The following ABCA3 variants were observed in gnomAD, a reference collection of about 807,000 sequenced individuals.
ABCA3 encodes the protein ATP binding cassette subfamily A member 3, also known as phospholipid-transporting ATPase ABCA3.
In ABCA3, 88 loss-of-function variants were observed where a neutral mutation model predicts 172.8. The observed-to-expected ratio is 0.51, with a 90% confidence interval of 0.43 to 0.61. The LOEUF (loss-of-function observed/expected upper bound fraction) is 0.61, where lower values mean the gene tolerates loss of function less well. ABCA3 is among the 20% of genes least tolerant of loss of function. ABCA3 has a pLI of 0.00. For missense variants in ABCA3, 2,164 were observed against 2,301.0 expected (o/e 0.94, Z 1.22); for synonymous variants, 1,066 against 983.8 (o/e 1.08, Z -1.56).
At chr16:2,310,740 TGA>T (rs902937632) in intron 10 of ABCA3, among the ~76,000 whole-genome samples, 1 of 151,998 alleles carries the variant, frequency 6.6e-6, no homozygotes, top group African/African-American at 2.4e-5. Context: ...AGGCTGGGCT[TGA>T]ACTCCTGGGC....
rs1457878698 is a variant in ABCA3 at position 2,326,147 on chromosome 16, G to A, written c.182C>T (p.Ser61Phe). 1 of 1,614,162 alleles carries A rather than the reference G, an allele frequency of 6.2e-7. No homozygotes were observed. Among genetic ancestry groups the A allele is most frequent in the Admixed American group, 1.7e-5 (1 of 60,032 alleles). ...GAAGAACAGAGGCAGCTCCTGGATG[G>A]ACTGGCCCGGGTAGATGGTGGCGTT... ...VPNATIYPGQ[S>F]IQELPLFFTF... The change falls in exon 5 of 33, where the codon TCC becomes TTC. Residue 61 changes from serine (S) to phenylalanine (F), a missense_variant. Around this residue, in one of 3 missense-constraint regions of ABCA3, gnomAD observed 1,343 missense variants for 1,369.6 expected, o/e 0.98. Coordinates refer to ENST00000301732, the MANE Select transcript of ABCA3 (RefSeq NM_001089.3).
In ABCA3 at chr16:2,277,773, A is replaced by T; in HGVS notation, c.4910-103T>A. 1 of 1,592,046 alleles carries T rather than the reference A, an allele frequency of 6.3e-7. No individual in the cohort carries two copies. ...AGTCCTCGTCCCAGGGATTGGGGAG[A>T]TGGGACTTGGCGGGGCGAGGCACAG... On this transcript the variant is annotated intron_variant, in intron 31 of 32. Coordinates refer to ENST00000301732, the MANE Select transcript of ABCA3 (RefSeq NM_001089.3). The surrounding 1 kb of genome is among the most constrained non-coding windows in gnomAD (Gnocchi z 5.3).
In ABCA3 at chr16:2,276,673, C is replaced by T. The variant is rs1476467965; in HGVS notation, c.*1G>A. 5.6e-6 allele frequency: 9 copies of T among 1,612,984 alleles called. No homozygotes were observed. The highest frequency in any genetic ancestry group is 7.6e-6 in the Non-Finnish European group (9 of 1,180,040). On this transcript the variant is annotated 3_prime_UTR_variant, in exon 33 of 33. Transcript: ENST00000301732. Reference sequence around the variant, plus strand: ...CCTGATGGCGAGACAGCCGCCACCCCTCATCGCCCCTCCTCTGCGGTGGGC... The same window carrying T: ...CCTGATGGCGAGACAGCCGCCACCCTTCATCGCCCCTCCTCTGCGGTGGGC...
Position 2,304,047 on chromosome 16 carries a change from A to T in ABCA3, c.1389T>A (p.Tyr463Ter). The T allele has an allele frequency of 6.2e-7, 1 of 1,614,188 alleles. No homozygotes were observed. Among genetic ancestry groups the T allele is most frequent in the Non-Finnish European group, 8.5e-7 (1 of 1,180,034 alleles). The change falls in exon 12 of 33, where the codon TAT (tyrosine) becomes TAA (stop). Residue 463 changes from tyrosine (Y) to a stop codon, truncating the protein, a stop_gained. Transcript: ENST00000301732. LOFTEE classifies it high-confidence loss of function. The part of the protein sequence containing the change: ...LGMLLLDSVL[Y>*]GLVTWYMEAV... The stretch of plus-strand genomic sequence containing the variant: ...CCTCCATGTACCAGGTCACCAGGCC[A>T]TAGAGCACAGAGTCCAGCAGCAGCA...
At chr16:2,326,987 CACAA>C (rs1300311547) in intron 3 of ABCA3, among the ~76,000 whole-genome samples, 2 of 152,094 alleles carry the variant, frequency 1.3e-5, no homozygotes, top group Admixed American at 6.6e-5. Flanking sequence ...AAGACTCTGC[CACAA>C]ACAAACAAAC....
intron 8 of ABCA3, among the ~76,000 whole-genome samples, chr16:2,318,680 T>G (rs904167828): frequency 1.1e-4 from 16 of 151,832 alleles, no homozygotes; most frequent in Admixed American, 7.9e-4. Flanking sequence ...GCCTGGCTAA[T>G]TTTTGTATTT....
intron 12 of ABCA3, among the ~76,000 whole-genome samples, chr16:2,302,409 CA>C (rs2093690963): frequency 6.6e-6 from 1 of 151,792 alleles, no homozygotes; most frequent in Non-Finnish European, 1.5e-5. Flanking sequence ...AATAGACAAA[CA>C]TATATATGTA....
At position 2,276,318 on chromosome 16, in the gene ABCA3, T is replaced by C; in HGVS notation, c.*356A>G. 1 of 476,406 alleles carries C rather than the reference T, an allele frequency of 2.1e-6. No homozygotes were observed. The highest frequency in any genetic ancestry group is 1.5e-5 in the South Asian group (1 of 64,706). 29.5% of individuals were successfully genotyped at this position (476,406 alleles called of 1,614,324 possible). On this transcript the variant is annotated 3_prime_UTR_variant, in exon 33 of 33. Transcript: ENST00000301732. The stretch of plus-strand genomic sequence containing the variant: ...TCGTGTGTAAACTTGGACAAGTCAC[T>C]GGGTCCTCTCTCCAGGGAGTGCCTG...
At chr16:2,307,981 C>T (rs574351579) in intron 11 of ABCA3, among the ~76,000 whole-genome samples, 1 of 152,298 alleles carries the variant, frequency 6.6e-6, no homozygotes, top group South Asian at 2.1e-4. Context: ...GTAATCCTGG[C>T]TATTCAGGAG....
At chr16:2,293,185 G>A (rs1035643778) in intron 18 of ABCA3, among the ~76,000 whole-genome samples, 2 of 151,690 alleles carry the variant, frequency 1.3e-5, no homozygotes, top group Non-Finnish European at 2.9e-5. Context: ...CAGAGTAGCT[G>A]GGACTATAGG....
chr16:2,338,971 G>A (rs1483467715), intron 1 of ABCA3, among the ~76,000 whole-genome samples: 1 of 151,924 alleles, frequency 6.6e-6, no homozygotes, highest in Non-Finnish European at 1.5e-5. Flanking sequence ...GGCCAGGCTG[G>A]TCTCGAACTC....
Position 2,284,422 on chromosome 16 carries a change from T to C in ABCA3, c.3719A>G (p.Glu1240Gly). 1 of 1,613,908 alleles carries C rather than the reference T, an allele frequency of 6.2e-7. No individual in the cohort carries two copies. The highest frequency in any genetic ancestry group is 8.5e-7 in the Non-Finnish European group (1 of 1,180,006). Residue 1240 changes from glutamate (E) to glycine (G), a missense_variant, in exon 25 of 33, where the codon GAA (glutamate) becomes GGA (glycine). Glu to Gly is a moderately conservative substitution (Grantham distance 98). Coordinates refer to ENST00000301732, the MANE Select transcript of ABCA3 (RefSeq NM_001089.3). This position sits in a 1 kb window ranked among gnomAD's most constrained non-coding sequence, Gnocchi z 5.9. ...IMRIPAVKLE[E>G]LSKTLDHVFL... ...CACGTGATCCAGGGTTTTGGAAAGT[T>C]CTTCCAGTTTTACAGCTGCGTTGGG... is the stretch of plus-strand genomic sequence containing the variant.
rs773880589 is a variant in ABCA3, at chr16:2,284,973, C to T, written c.3509G>A (p.Arg1170His). 53 of 1,613,446 alleles carry T rather than the reference C, an allele frequency of 3.3e-5. No individual in the cohort carries two copies. The highest frequency in any genetic ancestry group is 9.9e-5 in the South Asian group (9 of 91,082). Residue 1170 changes from arginine (R) to histidine (H), a missense_variant, in exon 24 of 33, where the codon CGT becomes CAT. Arg to His is a conservative substitution (Grantham distance 29, BLOSUM62 0). This residue lies in a region of ABCA3 where 795 missense variants were observed against 881.9 expected (regional missense o/e 0.90). Transcript: ENST00000301732. The surrounding 1 kb of genome is among the most constrained non-coding windows in gnomAD (Gnocchi z 5.9). ...CATGTGGCCGTCCCGCGTGAAGGCA[C>T]GCACGTCGAAGGCCTTAAACACCAC... is the stretch of plus-strand genomic sequence containing the variant. ...LLVVFKAFDV[R>H]AFTRDGHMAD...
At chr16:2,296,010 G>A (rs1446652174) in intron 17 of ABCA3, among the ~76,000 whole-genome samples, 1 of 152,212 alleles carries the variant, frequency 6.6e-6, no homozygotes, top group African/African-American at 2.4e-5. Flanking sequence ...TCTCCCCCCA[G>A]CTATACAAGC....
Position 2,285,550 on chromosome 16 carries a change from C to T in ABCA3, c.3375G>A (p.Val1125=). 1.9e-6 allele frequency: 3 copies of T among 1,594,164 alleles called. No individual in the cohort carries two copies. Among genetic ancestry groups the T allele is most frequent in the South Asian group, 2.3e-5 (2 of 88,044 alleles). ...TCACAAACTGCACATGCTTGGCCTG[C>T]ACGGCCCTCTCGCTGACCGCCAGGA... is the stretch of plus-strand genomic sequence containing the variant. ...FSILAVSERA[V]QAKHVQFVSG... is the part of the protein sequence containing the mutation. Residue 1125 remains valine (V), a synonymous_variant, in exon 23 of 33, where the codon GTG becomes GTA. Coordinates refer to ENST00000301732, the MANE Select transcript of ABCA3 (RefSeq NM_001089.3). This position sits in a 1 kb window ranked among gnomAD's most constrained non-coding sequence, Gnocchi z 4.7.
chr16:2,285,757 T>A lies in ABCA3; in HGVS notation c.3279-111A>T. 1 of 1,012,324 alleles carries A rather than the reference T, an allele frequency of 9.9e-7. No individual in the cohort carries two copies. The highest frequency in any genetic ancestry group is 1.5e-6 in the Non-Finnish European group (1 of 666,542). The allele number at this position is 1,012,324 out of a possible 1,614,324, so 62.7% of individuals were successfully genotyped here. A position where few individuals can be genotyped will look rare whatever the true frequency, so the allele number is the denominator to read the frequency against. ...GCATGCAGGGCAGCAGCCCAACCAC[T>A]AAAGGGGCTTATGGGAGAGCACAAG... On this transcript the variant is annotated intron_variant, in intron 22 of 32. Coordinates refer to ENST00000301732, the MANE Select transcript of ABCA3 (RefSeq NM_001089.3). The surrounding 1 kb of genome is among the most constrained non-coding windows in gnomAD (Gnocchi z 4.7).
In ABCA3 at chr16:2,284,451, G is replaced by A. The variant is rs201342214; in HGVS notation, c.3704-14C>T. ...CCAGTTTTACAGCTGCGTTGGGGAGGTAAGATCAGTCTGCGCTGGAGGGCA... is the reference window on the plus strand; with the variant it reads ...CCAGTTTTACAGCTGCGTTGGGGAGATAAGATCAGTCTGCGCTGGAGGGCA... On this transcript the variant is annotated splice_polypyrimidine_tract_variant and intron_variant, in intron 24 of 32. Coordinates refer to ENST00000301732, the MANE Select transcript of ABCA3 (RefSeq NM_001089.3). The surrounding 1 kb of genome is among the most constrained non-coding windows in gnomAD (Gnocchi z 5.9). 9.3e-6 allele frequency: 15 copies of A among 1,613,504 alleles called. No homozygotes were observed. The highest frequency in any genetic ancestry group is 1.2e-5 in the Non-Finnish European group (14 of 1,179,962).
intron 1 of ABCA3, among the ~76,000 whole-genome samples, chr16:2,330,055 G>C (rs553132961): frequency 3.9e-5 from 6 of 151,976 alleles, no homozygotes; most frequent in East Asian, 1.9e-4. Flanking sequence ...CAGCACTTTG[G>C]AAGACTGAGC....
Position 2,278,971 on chromosome 16 carries a change from G to A in ABCA3, c.4519C>T (p.His1507Tyr). Residue 1507 changes from histidine to tyrosine, a missense_variant, in exon 29 of 33, where the codon CAT becomes TAT. This residue lies in a region of ABCA3 where 795 missense variants were observed against 881.9 expected (regional missense o/e 0.90). Coordinates refer to ENST00000301732, the MANE Select transcript of ABCA3 (RefSeq NM_001089.3). The surrounding 1 kb of genome is among the most constrained non-coding windows in gnomAD (Gnocchi z 4.4). The part of the protein sequence containing the change: ...NTLRGLLLEP[H>Y]ANKLVRTYSG... ...TACGTCCTGACCAGCTTGTTGGCAT[G>A]TGGCTCCAGCAGCAGGCCCCGCAGA... The A allele has an allele frequency of 6.2e-7, 1 of 1,613,638 alleles. No individual in the cohort carries two copies. The highest frequency in any genetic ancestry group is 8.5e-7 in the Non-Finnish European group (1 of 1,180,046).
Sources: allele counts gnomAD v4.1 joint callset (sites outside exome capture counted in the v4.1 genomes callset), GRCh38; gene constraint gnomAD v4.1.1; regional missense constraint gnomAD v4.1.1; non-coding constraint Gnocchi (gnomAD v3.1); transcripts MANE v1.5; gene names NCBI Gene and HGNC (gene_info 2026-07-23, HGNC 2026-07-21).